CRYBB2: variants seen among roughly 807,000 people sequenced by gnomAD.
CRYBB2 encodes crystallin beta B2.
CRYBB2 carries 12 observed loss-of-function variants against 24.3 expected under a neutral mutation model. That is an observed-to-expected ratio of 0.49 (90% CI 0.32 to 0.80). The LOEUF is 0.80. Ranked by LOEUF, CRYBB2 falls within the 30% of genes least tolerant of loss-of-function variation. The pLI, the probability that CRYBB2 is intolerant of heterozygous loss-of-function variation, is 0.04. For missense variants in CRYBB2, 198 were observed against 268.5 expected (o/e 0.74, Z 1.83); for synonymous variants, 98 against 101.6 (o/e 0.96, Z 0.21).
At chr22:25,221,366 C>T in intron 1 of CRYBB2, 38 bp from the exon 2 acceptor site, 2 of 1,321,636 alleles carry the variant, frequency 1.5e-6, no homozygotes, top group East Asian at 4.6e-5. Context: ...AGCCAGTGGC[C>T]CCTCCAGGTC....
chr22:25,213,383 T>C (rs1377354162), intron 1 of CRYBB2: 1 of 152,138 alleles, frequency 6.6e-6, no homozygotes, highest in African/African-American at 2.4e-5. Context: ...TCTCTATGTA[T>C]CTGTCAGGCT....
upstream of CRYBB2, among the ~76,000 whole-genome samples, chr22:25,218,504 C>CA (rs914046081): frequency 4.7e-4 from 70 of 149,960 alleles, no homozygotes; most frequent in African/African-American, 1.5e-3. Flanking sequence ...CAAGATACAG[C>CA]AAAAAAAAGA....
At chr22:25,220,034 G>A (rs1349618503) in intron 1 of CRYBB2, among the ~76,000 whole-genome samples, 2 of 152,274 alleles carry the variant, frequency 1.3e-5, no homozygotes, top group East Asian at 3.9e-4. Context: ...CTAGGTGGGT[G>A]AGTCAGTTTT....
upstream of CRYBB2, among the ~76,000 whole-genome samples, chr22:25,217,178 ATT>A (rs71191033): frequency 0.46 from 66,598 of 145,082 alleles, 15,414 homozygotes; most frequent in East Asian, 0.82. Flanking sequence ...TCTATGTTGG[ATT>A]TTTTTTTTTT....
chr22:25,230,157 T>TGAC (rs1935505729), intron 5 of CRYBB2, among the ~76,000 whole-genome samples: 17 of 129,678 alleles, frequency 1.3e-4, no homozygotes, highest in African/African-American at 5.1e-4. Context: ...GTAAGAACTT[T>TGAC]TTTTTTTTTT....
At chr22:25,225,701 C>T (rs559275261) in intron 3 of CRYBB2, among the ~76,000 whole-genome samples, 8 of 152,288 alleles carry the variant, frequency 5.3e-5, no homozygotes, top group Non-Finnish European at 8.8e-5. Context: ...TAGGAATGTC[C>T]GCTGGTGGCC....
At chr22:25,229,031 C>CAA (rs1935479830) in intron 4 of CRYBB2, among the ~76,000 whole-genome samples, 1 of 143,408 alleles carries the variant, frequency 7.0e-6, no homozygotes, top group Non-Finnish European at 1.5e-5. Context: ...CACGTGTGTG[C>CAA]GTGCGTGTGT....
intron 2 of CRYBB2, among the ~76,000 whole-genome samples, chr22:25,222,520 T>C (rs377302158): frequency 1.3e-3 from 196 of 152,190 alleles, no homozygotes; most frequent in African/African-American, 4.6e-3. Context: ...GGGAGGACTG[T>C]TTGAACCCAA....
At chr22:25,215,780 A>G (rs1935161510), upstream of CRYBB2, among the ~76,000 whole-genome samples, 1 of 152,252 alleles carries the variant, frequency 6.6e-6, no homozygotes, top group Non-Finnish European at 1.5e-5. Flanking sequence ...ACCTCGAACA[A>G]GTTACTTAAG....
upstream of CRYBB2, among the ~76,000 whole-genome samples, chr22:25,216,994 G>A (rs1321196964): frequency 6.6e-6 from 1 of 152,168 alleles, no homozygotes; most frequent in Non-Finnish European, 1.5e-5. Context: ...TGTATGGATA[G>A]ACCACATAGT....
chr22:25,220,143 C>G (rs1160974053), intron 1 of CRYBB2, among the ~76,000 whole-genome samples: 1 of 152,158 alleles, frequency 6.6e-6, no homozygotes, highest in African/African-American at 2.4e-5. Context: ...GTCCCAGCAA[C>G]AGGTGATTTC....
upstream of CRYBB2, among the ~76,000 whole-genome samples, chr22:25,215,193 A>T (rs1258263611): frequency 1.3e-5 from 2 of 152,232 alleles, no homozygotes; most frequent in Non-Finnish European, 2.9e-5. Flanking sequence ...TGGCCATGAT[A>T]CCCACGCTGG....
intron 4 of CRYBB2, among the ~76,000 whole-genome samples, chr22:25,228,977 T>TGC (rs1935474594): frequency 6.6e-6 from 1 of 150,532 alleles, no homozygotes; most frequent in East Asian, 2.0e-4. Flanking sequence ...CATGTGTGTG[T>TGC]GCACGCATGT....
intron 5 of CRYBB2, among the ~76,000 whole-genome samples, 187 bp downstream of exon 5, chr22:25,229,765 T>C (rs1373294895): frequency 2.0e-5 from 3 of 152,146 alleles, no homozygotes; most frequent in Admixed American, 2.0e-4. Flanking sequence ...GCTGAATTTC[T>C]TTCTAGAGCT....
At chr22:25,221,967 T>G (rs1935329255) in intron 2 of CRYBB2, among the ~76,000 whole-genome samples, 1 of 152,246 alleles carries the variant, frequency 6.6e-6, no homozygotes, top group African/African-American at 2.4e-5. Flanking sequence ...AGGCTCAGCC[T>G]AACACCCGGC....
At chr22:25,224,780 A>G (rs1935383327) in intron 2 of CRYBB2, 138 bp from the exon 3 acceptor site, 4 of 761,760 alleles carry the variant, frequency 5.3e-6, no homozygotes, top group Non-Finnish European at 9.7e-6. Flanking sequence ...GGGCTGTTTG[A>G]TTTTATGTTT....
chr22:25,225,037 G>A lies in CRYBB2; in HGVS notation c.173+1G>A, dbSNP rs770540384. On this transcript the variant is annotated splice_donor_variant, in intron 3 of 5. Coordinates refer to ENST00000398215, the MANE Select transcript of CRYBB2 (RefSeq NM_000496.3). LOFTEE classifies it high-confidence loss of function. ...GTTCTGTCCTAGTGCAGGCTGGACC[G>A]TAAGTACCTGGGTGGCCTCTCCTGG... 3.1e-5 allele frequency: 48 copies of A among 1,544,236 alleles called. No homozygotes were observed. Among genetic ancestry groups the A allele is most frequent in the Middle Eastern group, 1.7e-4 (1 of 5,922 alleles).
intron 1 of CRYBB2, among the ~76,000 whole-genome samples, chr22:25,214,222 G>C (rs1889784236): frequency 6.6e-6 from 1 of 152,178 alleles, no homozygotes; most frequent in African/African-American, 2.4e-5. Context: ...CCTGTAGTCT[G>C]AGCTACTCAG....
exon 1 of CRYBB2, among the ~76,000 whole-genome samples, chr22:25,212,581 T>C (rs4820621): frequency 0.73 from 111,750 of 152,138 alleles, 42,460 homozygotes; most frequent in African/African-American, 0.93. Context: ...TGCCTTTCCG[T>C]CGGACATCTT....
Sources: gnomAD v4.1 joint callset for allele counts (sites outside exome capture counted in the v4.1 genomes callset) on GRCh38, gnomAD v4.1.1 for gene constraint, MANE v1.5 for transcripts, NCBI Gene and HGNC (gene_info 2026-07-23, HGNC 2026-07-21) for gene names.